POU6F2: variants seen among roughly 807,000 people sequenced by gnomAD.
POU6F2 encodes POU class 6 homeobox 2.
A neutral mutation model predicts 71.3 loss-of-function variants in POU6F2; 31 were observed. That is an observed-to-expected ratio of 0.43 (90% CI 0.33 to 0.59). POU6F2 has a LOEUF of 0.59. Ranked by LOEUF, POU6F2 falls within the 20% of genes least tolerant of loss-of-function variation. POU6F2 has a pLI of 0.04. For synonymous variants in POU6F2, 347 were observed against 355.7 expected (o/e 0.98, Z 0.27); for missense variants, 783 against 856.8 (o/e 0.91, Z 1.07).
intron 4 of POU6F2, among the ~76,000 whole-genome samples, chr7:39,269,148 TTCAGGC>T (rs879598378): frequency 1.3e-5 from 2 of 152,196 alleles, no homozygotes; most frequent in Non-Finnish European, 2.9e-5. Flanking sequence ...ATTGTTTCAA[TTCAGGC>T]TAGTAAGGGA....
chr7:39,462,523 A>C (rs1788974156), intron 9 of POU6F2, among the ~76,000 whole-genome samples: 1 of 152,198 alleles, frequency 6.6e-6, no homozygotes, highest in Non-Finnish European at 1.5e-5. Context: ...CAATACACTG[A>C]TCAGCCCTAT....
At position 39,012,738 on chromosome 7, in the gene POU6F2, C is replaced by G. The variant is rs1309376790; in HGVS notation, c.105+34680C>G. 1.1e-4 allele frequency among the ~76,000 whole-genome samples: 17 copies of G among 151,382 alleles called. No homozygotes were observed. In the East Asian group the frequency reaches 2.5e-3, roughly 23 times the overall value. The stretch of plus-strand genomic sequence containing the variant: ...TCCTTTCTGTTTGTTAGTTTTCCTT[C>G]TAACAGACAGGACCCTCAGCTGCAG... On this transcript the variant is annotated intron_variant, in intron 1 of 9. Transcript: ENST00000518318.
chr7:39,037,383 C>T (rs1026062941), intron 1 of POU6F2, among the ~76,000 whole-genome samples: 6 of 151,988 alleles, frequency 3.9e-5, no homozygotes, highest in African/African-American at 1.4e-4. Context: ...CCCTGGGTCT[C>T]GGAGACCTTG....
chr7:39,065,790 A>T (rs1443898683), intron 1 of POU6F2, among the ~76,000 whole-genome samples: 1 of 151,722 alleles, frequency 6.6e-6, no homozygotes, highest in Non-Finnish European at 1.5e-5. Context: ...ATTATTTAAA[A>T]ATCCCTCCAA....
intron 4 of POU6F2, among the ~76,000 whole-genome samples, chr7:39,215,985 G>A (rs554041652): frequency 6.6e-6 from 1 of 152,298 alleles, no homozygotes; most frequent in Non-Finnish European, 1.5e-5. Flanking sequence ...TCTGGGATAT[G>A]TTTTTTTCGT....
At chr7:39,453,948 A>T (rs925758777) in intron 8 of POU6F2, among the ~76,000 whole-genome samples, 7 of 152,194 alleles carry the variant, frequency 4.6e-5, no homozygotes, top group African/African-American at 1.4e-4. Context: ...TAGGGGTCGC[A>T]CTTTGCCCTA....
chr7:39,290,320 AC>A (rs761107172), intron 4 of POU6F2, among the ~76,000 whole-genome samples: 5 of 151,974 alleles, frequency 3.3e-5, no homozygotes, highest in Non-Finnish European at 5.9e-5. Context: ...TCTCCCTTGC[AC>A]CTTTCGCTTG....
intron 1 of POU6F2, among the ~76,000 whole-genome samples, chr7:39,058,167 T>C (rs1256379271): frequency 2.0e-5 from 3 of 152,322 alleles, no homozygotes; most frequent in Non-Finnish European, 2.9e-5. Flanking sequence ...GAAAGCAGCA[T>C]ATTTCAGCTT....
intron 7 of POU6F2, among the ~76,000 whole-genome samples, chr7:39,441,867 A>T (rs1326610491): frequency 6.6e-6 from 1 of 152,224 alleles, no homozygotes; most frequent in Non-Finnish European, 1.5e-5. Context: ...ATGAAGACTA[A>T]GAGTGAGTGT....
rs572418608 is a variant in POU6F2, at chr7:39,204,858, G to A, written c.369+532G>A. Among the ~76,000 whole-genome samples the A allele has an allele frequency of 2.0e-5, 3 of 150,230 alleles. No individual in the cohort carries two copies. In the South Asian group the frequency reaches 6.3e-4, roughly 32 times the overall value. On this transcript the variant is annotated intron_variant, in intron 3 of 9. Coordinates refer to ENST00000518318, the MANE Select transcript of POU6F2 (RefSeq NM_001370959.1). ...CAATATTTGTTTTTTGCAGCCTGGTGTGGGCTATATGGAGATGTAGAACAC... is the reference window on the plus strand; with the variant it reads ...CAATATTTGTTTTTTGCAGCCTGGTATGGGCTATATGGAGATGTAGAACAC...
chr7:39,380,652 T>G (rs1386548183), intron 5 of POU6F2, among the ~76,000 whole-genome samples: 3 of 152,228 alleles, frequency 2.0e-5, no homozygotes, highest in Non-Finnish European at 4.4e-5. Flanking sequence ...TTTACCTATT[T>G]TGTATTATTA....
chr7:39,139,842 G>A (rs1792459432), intron 2 of POU6F2, among the ~76,000 whole-genome samples: 2 of 152,192 alleles, frequency 1.3e-5, no homozygotes, highest in South Asian at 4.1e-4. Flanking sequence ...AGGTATTTGA[G>A]TCTTGTTTGC....
chr7:39,070,168 T>G (rs997581241), intron 1 of POU6F2, among the ~76,000 whole-genome samples: 1 of 152,202 alleles, frequency 6.6e-6, no homozygotes, highest in Non-Finnish European at 1.5e-5. Flanking sequence ...TATTTGATTC[T>G]CAAAAGGAAT....
At chr7:39,289,078 G>A (rs545523485) in intron 4 of POU6F2, among the ~76,000 whole-genome samples, 22 of 152,300 alleles carry the variant, frequency 1.4e-4, no homozygotes, top group African/African-American at 4.8e-4. Flanking sequence ...CTTGAAATAT[G>A]TTAGGGTAGC....
chr7:39,445,126 C>T (rs1788493637), intron 7 of POU6F2, among the ~76,000 whole-genome samples: 3 of 152,290 alleles, frequency 2.0e-5, no homozygotes, highest in South Asian at 2.1e-4. Flanking sequence ...CAATTATCAA[C>T]ATCCATCATT....
chr7:39,252,399 GACACACAC>G (rs55738894), intron 4 of POU6F2, among the ~76,000 whole-genome samples: 2,548 of 144,256 alleles, frequency 0.018, 63 homozygotes, highest in African/African-American at 0.058. Flanking sequence ...CAGACAGACA[GACACACAC>G]ACACACACAC....
intron 4 of POU6F2, among the ~76,000 whole-genome samples, chr7:39,299,877 G>A (rs949203603): frequency 9.2e-5 from 14 of 152,178 alleles, no homozygotes; most frequent in Admixed American, 6.5e-5. Flanking sequence ...CATGTGCCCC[G>A]AGGCAGCTTC....
At chr7:39,415,942 A>G (rs1311419151) in intron 6 of POU6F2, among the ~76,000 whole-genome samples, 1 of 152,048 alleles carries the variant, frequency 6.6e-6, no homozygotes, top group Admixed American at 6.5e-5. Flanking sequence ...CCATCCTTCC[A>G]TATCACCCTG....
At chr7:39,429,723 A>G (rs1287196768) in intron 6 of POU6F2, among the ~76,000 whole-genome samples, 1 of 152,232 alleles carries the variant, frequency 6.6e-6, no homozygotes, top group Non-Finnish European at 1.5e-5. Context: ...GACTTCTCCT[A>G]GCAGTAAATC....
Sources: gnomAD v4.1 joint callset for allele counts (sites outside exome capture counted in the v4.1 genomes callset) on GRCh38, gnomAD v4.1.1 for gene constraint, MANE v1.5 for transcripts, NCBI Gene and HGNC (gene_info 2026-07-23, HGNC 2026-07-21) for gene names.